The following DENND4A variants were observed in gnomAD, a reference collection of about 807,000 sequenced individuals.
DENND4A encodes C-myc promoter-binding protein.
DENND4A carries 70 observed loss-of-function variants against 199.3 expected under a neutral mutation model. The observed-to-expected ratio is 0.35, with a 90% CI of 0.29 to 0.43. The LOEUF is 0.43. Ranked by LOEUF, DENND4A falls within the 20% of genes least tolerant of loss-of-function variation. DENND4A has a pLI of 1.00. For synonymous variants in DENND4A, 686 were observed against 766.9 expected (o/e 0.89, Z 1.74); for missense variants, 1,723 against 2,255.8 (o/e 0.76, Z 4.78).
intron 24 of DENND4A, among the ~76,000 whole-genome samples, chr15:65,674,583 T>C (rs535294424): frequency 3.2e-4 from 48 of 152,030 alleles, no homozygotes; most frequent in African/African-American, 1.1e-3. Flanking sequence ...TGAGATCCCA[T>C]CTCTACAAAA....
rs536867306 is a variant in DENND4A, at chr15:65,683,614, C to T, written c.4179+6801G>A. On this transcript the variant is annotated intron_variant, in intron 23 of 32. Coordinates refer to ENST00000443035, the MANE Select transcript of DENND4A (RefSeq NM_001320835.1). ...ATTCTAATTTCCTTTATGATTTTAT[C>T]TTTGATTCAAATTATTTGAAAGTGT... 9.9e-5 allele frequency among the ~76,000 whole-genome samples: 15 copies of T among 152,148 alleles called. No individual in the cohort carries two copies. The East Asian group carries it at 2.9e-3, about 29-fold the overall frequency.
intron 19 of DENND4A, 87 bp downstream of exon 19, chr15:65,700,964 T>C: frequency 7.0e-7 from 1 of 1,424,312 alleles, no homozygotes; most frequent in Non-Finnish European, 9.5e-7. Flanking sequence ...ACATTCAATA[T>C]TTTAAAACTA....
intron 1 of DENND4A, among the ~76,000 whole-genome samples, chr15:65,773,002 CAAAAAAAAAAA>C (rs61241995): frequency 0.094 from 9,645 of 102,238 alleles, 387 homozygotes; most frequent in African/African-American, 0.13. Context: ...TGTTTCTAAG[CAAAAAAAAAAA>C]AAAAAAAAAA....
intron 5 of DENND4A, among the ~76,000 whole-genome samples, chr15:65,739,328 A>T (rs948636914): frequency 9.2e-5 from 14 of 152,158 alleles, no homozygotes; most frequent in Non-Finnish European, 2.9e-5. Flanking sequence ...ATACAGGAAA[A>T]TTTTTCATAA....
intron 24 of DENND4A, among the ~76,000 whole-genome samples, chr15:65,674,657 A>G (rs1259000269): frequency 6.6e-6 from 1 of 151,576 alleles, no homozygotes; most frequent in Non-Finnish European, 1.5e-5. Flanking sequence ...AGGCTTGAGC[A>G]TGGGAGATCA....
intron 23 of DENND4A, among the ~76,000 whole-genome samples, chr15:65,683,633 A>T (rs553575618): frequency 8.5e-5 from 13 of 152,292 alleles, no homozygotes; most frequent in African/African-American, 1.9e-4. Flanking sequence ...AAATTATTTG[A>T]AAGTGTGTTC....
At chr15:65,736,912 T>G (rs975956449) in intron 7 of DENND4A, among the ~76,000 whole-genome samples, 1 of 152,154 alleles carries the variant, frequency 6.6e-6, no homozygotes, top group Admixed American at 6.5e-5. Context: ...GAAAAGTTAT[T>G]TTTCAAAAAA....
intron 12 of DENND4A, among the ~76,000 whole-genome samples, chr15:65,720,947 T>TATTATATATATATATATATATATATATA (rs1555425654): frequency 1.8e-4 from 14 of 76,236 alleles, no homozygotes; most frequent in South Asian, 3.9e-4. Context: ...GTTTCATTGA[T>TATTATATATATATATATATATATATATA]TATATATATA....
At chr15:65,774,012 C>G (rs559539252) in intron 1 of DENND4A, among the ~76,000 whole-genome samples, 1 of 152,342 alleles carries the variant, frequency 6.6e-6, no homozygotes, top group Admixed American at 6.5e-5. Flanking sequence ...ACTGCCTACA[C>G]TGGTTTTGCT....
chr15:65,724,519 T>A (rs1466378218), intron 11 of DENND4A, among the ~76,000 whole-genome samples: 1 of 152,174 alleles, frequency 6.6e-6, no homozygotes, highest in African/African-American at 2.4e-5. Flanking sequence ...GTAGTGGAAC[T>A]TGCTGAACCT....
intron 2 of DENND4A, among the ~76,000 whole-genome samples, chr15:65,759,183 T>C (rs1444939260): frequency 6.6e-6 from 1 of 152,186 alleles, no homozygotes; most frequent in East Asian, 1.9e-4. Context: ...CTATTTTCTT[T>C]AAAAATGAGA....
chr15:65,684,850 G>A (rs1346172526), intron 23 of DENND4A, among the ~76,000 whole-genome samples: 1 of 121,632 alleles, frequency 8.2e-6, no homozygotes, highest in Non-Finnish European at 1.7e-5. Flanking sequence ...TTGAGACGGA[G>A]TTTTGCTCTT....
At chr15:65,772,064 C>A in intron 1 of DENND4A, 1 of 1,263,732 alleles carries the variant, frequency 7.9e-7, no homozygotes, top group East Asian at 2.4e-5. Context: ...AACGCTGGGC[C>A]TTCTCGCGGT....
In DENND4A at chr15:65,702,391, C is replaced by T; in HGVS notation, c.2344G>A (p.Val782Ile). ...WFICLPAYVK[V>I]CHSKVRALKT... The stretch of plus-strand genomic sequence containing the variant: ...AGAGCCCTGACTTTTGAATGACAGA[C>T]TTTCACATAAGCTGGGAGACAAATA... The change falls in exon 17 of 33, where the codon GTC becomes ATC. Residue 782 changes from valine (V) to isoleucine (I), a missense_variant. Physicochemically the swap from Val to Ile is conservative, Grantham distance 29. Around this residue, in one of 6 missense-constraint regions of DENND4A, gnomAD observed 725 missense variants for 952.9 expected, o/e 0.76. Transcript: ENST00000443035. 6.4e-7 allele frequency: 1 copy of T among 1,562,868 alleles called. No individual in the cohort carries two copies. Among genetic ancestry groups the T allele is most frequent in the Non-Finnish European group, 8.7e-7 (1 of 1,153,152 alleles).
chr15:65,723,446 G>A (rs887670426), intron 11 of DENND4A, among the ~76,000 whole-genome samples: 1 of 151,990 alleles, frequency 6.6e-6, no homozygotes, highest in African/African-American at 2.4e-5. Context: ...TATAAGTAAG[G>A]ATCATTTTTG....
At chr15:65,693,641 A>T (rs1388079166) in intron 22 of DENND4A, among the ~76,000 whole-genome samples, 1 of 151,264 alleles carries the variant, frequency 6.6e-6, no homozygotes, top group Non-Finnish European at 1.5e-5. Flanking sequence ...TCCTACCCTC[A>T]TTTATTTTCC....
intron 20 of DENND4A, among the ~76,000 whole-genome samples, chr15:65,699,150 A>T (rs934044611): frequency 6.6e-6 from 1 of 152,204 alleles, no homozygotes; most frequent in Non-Finnish European, 1.5e-5. Flanking sequence ...ATAATCAAGG[A>T]ATAAAATCAA....
intron 12 of DENND4A, among the ~76,000 whole-genome samples, chr15:65,721,608 AAAAG>A (rs988816949): frequency 1.3e-5 from 2 of 151,422 alleles, no homozygotes; most frequent in Non-Finnish European, 2.9e-5. Flanking sequence ...AAAAAAAAAA[AAAAG>A]AAAGAGAAAG....
chr15:65,783,001 A>C (rs2077472948), intron 1 of DENND4A, among the ~76,000 whole-genome samples: 1 of 151,906 alleles, frequency 6.6e-6, no homozygotes, highest in South Asian at 2.1e-4. Flanking sequence ...GTCAGGAGGA[A>C]AAAAAAACAC....
Sources: gnomAD v4.1 joint callset for allele counts (sites outside exome capture counted in the v4.1 genomes callset) on GRCh38, gnomAD v4.1.1 for gene constraint, gnomAD v4.1.1 regional missense constraint, MANE v1.5 for transcripts, NCBI Gene and HGNC (gene_info 2026-07-23, HGNC 2026-07-21) for gene names.